Variants in ADAMTSL1 observed in about 807,000 individuals in gnomAD.
The protein encoded by ADAMTSL1 is ADAMTS-like protein 1.
Under a neutral mutation model 201.8 loss-of-function variants are expected in ADAMTSL1, and 126 were observed. The ratio of observed to expected loss-of-function variants is 0.62; its 90% CI spans 0.54 to 0.72. The LOEUF (loss-of-function observed/expected upper bound fraction) is 0.72. Among genes scored for constraint, ADAMTSL1 ranks in the 30% least tolerant of loss-of-function variants. The pLI, the probability that ADAMTSL1 is intolerant of heterozygous loss-of-function variation, is 0.00. For missense variants in ADAMTSL1, 2,679 were observed against 2,277.8 expected (o/e 1.18, Z -3.59); for synonymous variants, 1,121 against 903.4 (o/e 1.24, Z -4.32).
chr9:18,590,441 GTTGT>G (rs1048284446), intron 4 of ADAMTSL1, among the ~76,000 whole-genome samples: 3 of 151,426 alleles, frequency 2.0e-5, no homozygotes, highest in African/African-American at 4.9e-5. Flanking sequence ...GTTTGTTGAT[GTTGT>G]TTATCTTTTC....
chr9:18,725,951 C>A (rs955656617), intron 15 of ADAMTSL1, among the ~76,000 whole-genome samples: 6 of 152,054 alleles, frequency 3.9e-5, no homozygotes, highest in Admixed American at 1.3e-4. Context: ...CCTGAGACAC[C>A]AAAATAAAAG....
chr9:17,985,474 T>C (rs1818887502), intron 1 of ADAMTSL1, among the ~76,000 whole-genome samples: 1 of 152,056 alleles, frequency 6.6e-6, no homozygotes, highest in South Asian at 2.1e-4. Context: ...TCTTGAAAAA[T>C]ACTTTATAGT....
intron 1 of ADAMTSL1, among the ~76,000 whole-genome samples, chr9:18,487,281 G>T (rs1056883424): frequency 1.3e-5 from 2 of 152,160 alleles, no homozygotes; most frequent in Non-Finnish European, 2.9e-5. Context: ...CTCGTGTATA[G>T]AATTTATTTT....
intron 1 of ADAMTSL1, among the ~76,000 whole-genome samples, chr9:17,974,342 A>C (rs1231118150): frequency 6.6e-6 from 1 of 152,040 alleles, no homozygotes; most frequent in Admixed American, 6.6e-5. Context: ...TATATCTAGA[A>C]AACCCAATCG....
chr9:18,828,091 A>G (rs1366808545), intron 22 of ADAMTSL1, among the ~76,000 whole-genome samples: 1 of 152,216 alleles, frequency 6.6e-6, no homozygotes, highest in Non-Finnish European at 1.5e-5. Context: ...ACTTTCATCC[A>G]TGTATTCATA....
chr9:18,148,225 AG>A (rs1826740768), intron 1 of ADAMTSL1, among the ~76,000 whole-genome samples: 1 of 152,022 alleles, frequency 6.6e-6, no homozygotes, highest in Admixed American at 6.6e-5. Flanking sequence ...AAGGGAAAAA[AG>A]CTCACATTTT....
At chr9:18,219,407 C>A (rs71506864) in intron 2 of ADAMTSL1, among the ~76,000 whole-genome samples, 1 of 151,626 alleles carries the variant, frequency 6.6e-6, no homozygotes, top group African/African-American at 2.4e-5. Context: ...GTTGCTCTGT[C>A]GCCCAGGCTG....
At chr9:18,067,738 G>A (rs572147654) in intron 1 of ADAMTSL1, among the ~76,000 whole-genome samples, 2 of 152,268 alleles carry the variant, frequency 1.3e-5, no homozygotes, top group Admixed American at 1.3e-4. Flanking sequence ...CTTGTCTGGA[G>A]GCGGTGATTA....
Position 18,259,536 on chromosome 9 carries a change from C to T in ADAMTSL1, c.207+95555C>T, listed in dbSNP as rs181698904. Among the ~76,000 whole-genome samples the T allele has an allele frequency of 1.7e-3, 256 of 151,856 alleles. 1 individual carries two copies. The highest frequency in any genetic ancestry group is 6.0e-3 in the African/African-American group (248 of 41,394). On this transcript the variant is annotated intron_variant, in intron 2 of 29. Transcript: ENST00000680146. ...AAAAAAAAAAAAAAATACATATATC[C>T]TTATGTAGCATCACAAGCTTAATGT...
At chr9:18,221,631 T>A (rs1329902582) in intron 2 of ADAMTSL1, among the ~76,000 whole-genome samples, 1 of 152,212 alleles carries the variant, frequency 6.6e-6, no homozygotes, top group Non-Finnish European at 1.5e-5. Context: ...ATTGTTGTTA[T>A]AATTTAGTTC....
At chr9:18,092,582 G>T (rs1283339319) in intron 1 of ADAMTSL1, among the ~76,000 whole-genome samples, 2 of 152,084 alleles carry the variant, frequency 1.3e-5, no homozygotes, top group African/African-American at 4.8e-5. Context: ...TCTTGTGCCT[G>T]GCATTTGCAC....
chr9:17,988,657 T>A (rs967212474), intron 1 of ADAMTSL1, among the ~76,000 whole-genome samples: 5 of 151,898 alleles, frequency 3.3e-5, no homozygotes, highest in African/African-American at 1.2e-4. Flanking sequence ...GGGAGCCAAT[T>A]TGATAGTAAG....
At chr9:18,296,587 T>C (rs942393982) in intron 2 of ADAMTSL1, among the ~76,000 whole-genome samples, 1 of 152,172 alleles carries the variant, frequency 6.6e-6, no homozygotes, top group Admixed American at 6.6e-5. Context: ...TATTATTCTT[T>C]AAACTTTTCT....
chr9:18,845,362 A>T (rs1025568573), intron 23 of ADAMTSL1, among the ~76,000 whole-genome samples: 7 of 152,228 alleles, frequency 4.6e-5, no homozygotes, highest in Non-Finnish European at 1.0e-4. Flanking sequence ...TTCCAACCTG[A>T]GTGTACAGAG....
At chr9:18,440,771 G>A (rs1035222538) in intron 2 of ADAMTSL1, among the ~76,000 whole-genome samples, 8 of 152,020 alleles carry the variant, frequency 5.3e-5, no homozygotes, top group Non-Finnish European at 1.0e-4. Context: ...TATGAAAGTG[G>A]AAGAGGGGAA....
At chr9:18,816,463 C>T (rs11999522) in intron 20 of ADAMTSL1, among the ~76,000 whole-genome samples, 8,318 of 152,232 alleles carry the variant, frequency 0.055, 280 homozygotes, top group East Asian at 0.18. Flanking sequence ...TCTCAAACTC[C>T]TGGCCTCAAG....
chr9:18,509,268 A>C (rs2131959718), intron 2 of ADAMTSL1, among the ~76,000 whole-genome samples: 2 of 147,436 alleles, frequency 1.4e-5, no homozygotes, highest in Admixed American at 6.9e-5. Context: ...GCTCAGCTTT[A>C]AGACTTCGAA....
intron 1 of ADAMTSL1, among the ~76,000 whole-genome samples, chr9:18,035,868 C>T (rs4961455): frequency 0.56 from 85,248 of 151,914 alleles, 23,995 homozygotes; most frequent in Non-Finnish European, 0.58. Context: ...AAATAACTTA[C>T]TCAAAAAATA....
chr9:18,683,928 A>T (rs770257944), intron 12 of ADAMTSL1, among the ~76,000 whole-genome samples: 1 of 152,208 alleles, frequency 6.6e-6, no homozygotes, highest in Non-Finnish European at 1.5e-5. Flanking sequence ...TAAAATGGTG[A>T]TAGAGCATCA....
Sources: allele counts gnomAD v4.1 joint callset (sites outside exome capture counted in the v4.1 genomes callset), GRCh38; gene constraint gnomAD v4.1.1; transcripts MANE v1.5; gene names NCBI Gene and HGNC (gene_info 2026-07-23, HGNC 2026-07-21).